The following RABGAP1L variants were observed in gnomAD, a reference collection of about 807,000 sequenced individuals.
RABGAP1L encodes RAB GTPase activating protein 1 like, also known as rab GTPase-activating protein 1-like.
A neutral mutation model predicts 137.7 loss-of-function variants in RABGAP1L; 63 were observed. That is an observed-to-expected ratio of 0.46 (90% CI 0.37 to 0.56). RABGAP1L has a LOEUF of 0.56. Ranked by LOEUF, RABGAP1L falls within the 20% of genes least tolerant of loss-of-function variation. The pLI, the probability that RABGAP1L is intolerant of heterozygous loss-of-function variation, is 0.00. For missense variants in RABGAP1L, 1,095 were observed against 1,244.0 expected (o/e 0.88, Z 1.80); for synonymous variants, 431 against 433.7 (o/e 0.99, Z 0.08).
At chr1:174,851,231 CT>C (rs1181795964) in intron 19 of RABGAP1L, among the ~76,000 whole-genome samples, 3 of 152,186 alleles carry the variant, frequency 2.0e-5, no homozygotes, top group Admixed American at 2.0e-4. Context: ...TGTTCTAAAA[CT>C]TTAATACATG....
At chr1:174,325,554 G>A (rs1571225544) in intron 11 of RABGAP1L, among the ~76,000 whole-genome samples, 2 of 152,146 alleles carry the variant, frequency 1.3e-5, no homozygotes, top group Admixed American at 6.5e-5. Flanking sequence ...TGACTAAGAT[G>A]CCTCTTTCTA....
At chr1:174,550,102 C>A (rs1349697380) in intron 13 of RABGAP1L, among the ~76,000 whole-genome samples, 3 of 152,108 alleles carry the variant, frequency 2.0e-5, no homozygotes, top group Non-Finnish European at 4.4e-5. Context: ...AATTATTTTT[C>A]TACTACAGTA....
In RABGAP1L at chr1:174,279,221, C is replaced by G. The variant is rs547311154; in HGVS notation, c.1323+442C>G. ...AATATTATATGAACATCTTGTTTGA[C>G]TCATCAGTGAGGTTATAAAATTATT... On this transcript the variant is annotated intron_variant, in intron 10 of 25. Transcript: ENST00000681986. Among the ~76,000 whole-genome samples, 9 of 152,112 alleles carry G rather than the reference C, an allele frequency of 5.9e-5. No individual in the cohort carries two copies. The East Asian group carries it at 9.6e-4, about 16-fold the overall frequency.
chr1:174,289,766 T>C (rs1439408122), intron 10 of RABGAP1L, among the ~76,000 whole-genome samples: 1 of 152,170 alleles, frequency 6.6e-6, no homozygotes, highest in Non-Finnish European at 1.5e-5. Context: ...TGGAGCTCTC[T>C]TGTTGGGCAG....
At chr1:174,533,924 G>A (rs1406205255) in intron 13 of RABGAP1L, among the ~76,000 whole-genome samples, 3 of 151,984 alleles carry the variant, frequency 2.0e-5, no homozygotes, top group Admixed American at 6.6e-5. Flanking sequence ...CACTCGCCTC[G>A]GCCTCCCAAA....
At chr1:174,244,407 T>C (rs1672079758) in intron 5 of RABGAP1L, 1 of 152,194 alleles carries the variant, frequency 6.6e-6, no homozygotes, top group Non-Finnish European at 1.5e-5. Context: ...CACTATAAAA[T>C]CCCTCAAACT....
At chr1:174,684,942 C>T (rs1208128300) in intron 15 of RABGAP1L, among the ~76,000 whole-genome samples, 6 of 152,044 alleles carry the variant, frequency 3.9e-5, no homozygotes, top group Non-Finnish European at 7.4e-5. Flanking sequence ...GATTGCACCA[C>T]TGCAGTCCAG....
chr1:174,870,838 C>T (rs1333756973), intron 19 of RABGAP1L, among the ~76,000 whole-genome samples: 2 of 150,878 alleles, frequency 1.3e-5, no homozygotes, highest in South Asian at 2.1e-4. Flanking sequence ...TCCAGGCTCA[C>T]GCCATTCTCC....
chr1:174,793,400 A>G (rs972732500), intron 18 of RABGAP1L, among the ~76,000 whole-genome samples: 1 of 152,224 alleles, frequency 6.6e-6, no homozygotes, highest in Non-Finnish European at 1.5e-5. Flanking sequence ...GAGCATTCCT[A>G]AAAAGCTAGG....
intron 12 of RABGAP1L, among the ~76,000 whole-genome samples, chr1:174,380,620 G>A (rs891776273): frequency 3.3e-5 from 5 of 151,920 alleles, no homozygotes; most frequent in African/African-American, 7.3e-5. Flanking sequence ...TATTTCTGTG[G>A]GATCTGTGAT....
chr1:174,623,044 A>C (rs1672656433), intron 13 of RABGAP1L, among the ~76,000 whole-genome samples: 1 of 152,208 alleles, frequency 6.6e-6, no homozygotes, highest in Non-Finnish European at 1.5e-5. Flanking sequence ...CTGATCTGAT[A>C]CAGATTTTTC....
At chr1:174,877,636 C>T (rs1653363408) in intron 19 of RABGAP1L, 1 of 1,594,250 alleles carries the variant, frequency 6.3e-7, no homozygotes, top group Non-Finnish European at 8.6e-7. Flanking sequence ...TACTCTGGTT[C>T]TGTATTTTCT....
chr1:174,811,326 A>G (rs1010037830), intron 18 of RABGAP1L, among the ~76,000 whole-genome samples: 1 of 152,184 alleles, frequency 6.6e-6, no homozygotes, highest in African/African-American at 2.4e-5. Flanking sequence ...TCAATTTCCT[A>G]TTCTTTTCAC....
chr1:174,452,609 TG>T (rs1426242824), intron 13 of RABGAP1L, among the ~76,000 whole-genome samples: 7 of 152,132 alleles, frequency 4.6e-5, no homozygotes, highest in Non-Finnish European at 1.0e-4. Flanking sequence ...TTGCCCAGGC[TG>T]GAGTGCAGTG....
At chr1:174,687,891 AT>A (rs985459663) in intron 15 of RABGAP1L, among the ~76,000 whole-genome samples, 4 of 152,108 alleles carry the variant, frequency 2.6e-5, no homozygotes, top group African/African-American at 9.7e-5. Flanking sequence ...AATTTTTAGG[AT>A]TTTTTCGTGT....
At chr1:174,368,615 T>C (rs1684845692) in intron 11 of RABGAP1L, among the ~76,000 whole-genome samples, 2 of 152,192 alleles carry the variant, frequency 1.3e-5, no homozygotes, top group Non-Finnish European at 2.9e-5. Context: ...TGTGTCGATA[T>C]CCTTAGCTCA....
At chr1:174,506,043 A>C (rs1404287438) in intron 13 of RABGAP1L, among the ~76,000 whole-genome samples, 2 of 152,250 alleles carry the variant, frequency 1.3e-5, no homozygotes, top group African/African-American at 4.8e-5. Flanking sequence ...AACTAGGCAC[A>C]GAAAGTCAAA....
chr1:174,658,151 C>T (rs1403964764), intron 14 of RABGAP1L, among the ~76,000 whole-genome samples: 2 of 152,140 alleles, frequency 1.3e-5, no homozygotes, highest in African/African-American at 4.8e-5. Context: ...CTGTTCTTAC[C>T]AAGATTCAGT....
intron 19 of RABGAP1L, among the ~76,000 whole-genome samples, chr1:174,870,146 T>C (rs1416764594): frequency 6.6e-6 from 1 of 152,218 alleles, no homozygotes; most frequent in Non-Finnish European, 1.5e-5. Context: ...ATGACTGGCT[T>C]TGGCCTAATT....
Sources: allele counts gnomAD v4.1 joint callset (sites outside exome capture counted in the v4.1 genomes callset), GRCh38; gene constraint gnomAD v4.1.1; transcripts MANE v1.5; gene names NCBI Gene and HGNC (gene_info 2026-07-23, HGNC 2026-07-21).